The following EIPR1 variants were observed in gnomAD, a reference collection of about 807,000 sequenced individuals.
The protein encoded by EIPR1 is EARP and GARP complex-interacting protein 1.
Under a neutral mutation model 48.1 loss-of-function variants are expected in EIPR1, and 25 were observed. The observed-to-expected ratio is 0.52, with a 90% CI of 0.38 to 0.73. The LOEUF (loss-of-function observed/expected upper bound fraction) is 0.73, where lower values mean the gene tolerates loss of function less well. Among genes scored for constraint, EIPR1 ranks in the 30% least tolerant of loss-of-function variants. The probability of loss-of-function intolerance (pLI) is 0.00; values close to 1 mark genes in which losing one functional copy is unlikely to be tolerated. For missense variants in EIPR1, 415 were observed against 506.2 expected, an observed-to-expected ratio of 0.82 and a Z score of 1.73; for synonymous variants, 204 against 201.9, an observed-to-expected ratio of 1.01 and a Z score of -0.09.
intron 5 of EIPR1, among the ~76,000 whole-genome samples, chr2:3,204,663 G>A (rs1239337968): frequency 1.3e-5 from 2 of 152,196 alleles, no homozygotes; most frequent in Middle Eastern, 3.2e-3. Flanking sequence ...GCAAAATGAC[G>A]TGCCTGGCAT....
At chr2:3,250,700 C>A (rs1193512458) in intron 4 of EIPR1, among the ~76,000 whole-genome samples, 1 of 152,134 alleles carries the variant, frequency 6.6e-6, no homozygotes, top group Non-Finnish European at 1.5e-5. Context: ...ACCACAGGGG[C>A]GGATCCCTCA....
chr2:3,274,117 CAG>C (rs1309251994), intron 3 of EIPR1, among the ~76,000 whole-genome samples: 2 of 152,138 alleles, frequency 1.3e-5, no homozygotes, highest in Non-Finnish European at 2.9e-5. Context: ...TAGGACACAG[CAG>C]AGACTGCAGC....
chr2:3,335,614 T>C (rs1278447204), intron 3 of EIPR1, among the ~76,000 whole-genome samples: 1 of 152,090 alleles, frequency 6.6e-6, no homozygotes, highest in African/African-American at 2.4e-5. Context: ...TGGGTCTGTG[T>C]CCCCACCCAA....
intron 1 of EIPR1, among the ~76,000 whole-genome samples, chr2:3,358,403 T>G (rs1219800652): frequency 6.6e-6 from 1 of 152,138 alleles, no homozygotes; most frequent in African/African-American, 2.4e-5. Context: ...GCACAAAACT[T>G]CAACAGCTAA....
chr2:3,208,579 C>T (rs747855066), intron 5 of EIPR1: 120 of 1,550,496 alleles, frequency 7.7e-5, no homozygotes, highest in Non-Finnish European at 9.0e-5. Flanking sequence ...GTCCTTATTA[C>T]CCTCTCCAAA....
intron 3 of EIPR1, among the ~76,000 whole-genome samples, chr2:3,264,794 T>C (rs959682638): frequency 2.0e-5 from 3 of 152,160 alleles, no homozygotes; most frequent in Admixed American, 2.0e-4. Context: ...TTCAAGCGAT[T>C]CTCCTGCCTC....
chr2:3,335,831 GT>G (rs1558306219), intron 3 of EIPR1, among the ~76,000 whole-genome samples: 1 of 152,136 alleles, frequency 6.6e-6, no homozygotes. Flanking sequence ...GTGATTGTGC[GT>G]TTCCTGAGGC....
chr2:3,238,599 T>C (rs1277413250), intron 4 of EIPR1, among the ~76,000 whole-genome samples: 1 of 152,196 alleles, frequency 6.6e-6, no homozygotes, highest in Non-Finnish European at 1.5e-5. Context: ...GTCAGGAGAA[T>C]TTAGAGACTT....
intron 3 of EIPR1, among the ~76,000 whole-genome samples, chr2:3,272,974 T>C (rs1667742738): frequency 6.6e-6 from 1 of 152,122 alleles, no homozygotes; most frequent in Admixed American, 6.5e-5. Context: ...CTGACATGAG[T>C]AATTCAGAGA....
chr2:3,290,035 A>G (rs1668318681), intron 3 of EIPR1, among the ~76,000 whole-genome samples: 1 of 152,184 alleles, frequency 6.6e-6, no homozygotes, highest in Non-Finnish European at 1.5e-5. Flanking sequence ...TCTCCTTCCC[A>G]GCCACTTGTT....
At chr2:3,257,266 CG>C in intron 4 of EIPR1, 32 bp downstream of exon 4, 2 of 1,592,166 alleles carry the variant, frequency 1.3e-6, no homozygotes, top group Non-Finnish European at 1.7e-6. Flanking sequence ...CCTGCAGGCT[CG>C]TTCTGGGCGC....
chr2:3,283,532 G>A lies in EIPR1; in HGVS notation c.260-26077C>T, dbSNP rs528429604. 1.3e-4 allele frequency among the ~76,000 whole-genome samples: 17 copies of A among 132,972 alleles called. No homozygotes were observed. The South Asian group carries it at 2.1e-3, about 16-fold the overall frequency. The allele number at this position is 132,972 out of a possible 152,430, so 87.2% of individuals were successfully genotyped here. On this transcript the variant is annotated intron_variant, in intron 3 of 8. Transcript: ENST00000382125. ...CTCACGCCCAGAAGTGATGCACCAC[G>A]TTCACACCCCGGCACACTGGCCAAA...
intron 3 of EIPR1, among the ~76,000 whole-genome samples, chr2:3,266,458 C>G (rs144885146): frequency 6.6e-6 from 1 of 152,320 alleles, no homozygotes; most frequent in African/African-American, 2.4e-5. Context: ...TTTTAAATGC[C>G]TTAGGGATGG....
chr2:3,195,646 G>A (rs1446959925), intron 6 of EIPR1, among the ~76,000 whole-genome samples: 7 of 152,172 alleles, frequency 4.6e-5, no homozygotes, highest in South Asian at 4.1e-4. Context: ...ATGGACAGTC[G>A]CACGTGCACG....
chr2:3,243,665 T>A (rs1216163155), intron 4 of EIPR1, among the ~76,000 whole-genome samples: 1 of 152,048 alleles, frequency 6.6e-6, no homozygotes, highest in African/African-American at 2.4e-5. Context: ...AATTAAAAAT[T>A]TTTTTTAAAA....
chr2:3,194,344 GC>G, intron 6 of EIPR1, 178 bp from the exon 7 acceptor site: 1 of 634,246 alleles, frequency 1.6e-6, no homozygotes, highest in Non-Finnish European at 2.7e-6. Context: ...CTCCATCCCA[GC>G]AACCCTGTGT....
intron 3 of EIPR1, among the ~76,000 whole-genome samples, chr2:3,295,932 CCT>C (rs1207779733): frequency 1.9e-4 from 23 of 124,144 alleles, no homozygotes; most frequent in African/African-American, 3.1e-4. Context: ...CCCATCCTCT[CCT>C]TGCACACACA....
At chr2:3,353,396 T>A (rs977654373) in intron 2 of EIPR1, 3 of 440,666 alleles carry the variant, frequency 6.8e-6, no homozygotes, top group African/African-American at 2.0e-5. Context: ...AATTTTAACA[T>A]CCCACCAAAT....
intron 4 of EIPR1, among the ~76,000 whole-genome samples, chr2:3,224,662 GAC>G (rs1311811941): frequency 1.3e-5 from 2 of 152,160 alleles, no homozygotes; most frequent in African/African-American, 4.8e-5. Flanking sequence ...GCTCCAACAA[GAC>G]CTCCCCACCA....
Sources: allele counts gnomAD v4.1 joint callset (sites outside exome capture counted in the v4.1 genomes callset), GRCh38; gene constraint gnomAD v4.1.1; transcripts MANE v1.5; gene names NCBI Gene and HGNC (gene_info 2026-07-23, HGNC 2026-07-21).